NCOR2: variants seen among roughly 807,000 people sequenced by gnomAD.
NCOR2 encodes the protein CTG repeat protein 26.
In NCOR2, 81 loss-of-function variants were observed where a neutral mutation model predicts 262.9. The ratio of observed to expected loss-of-function variants is 0.31; its 90% confidence interval spans 0.26 to 0.37. The LOEUF (loss-of-function observed/expected upper bound fraction) is 0.37. Among genes scored for constraint, NCOR2 ranks in the 10% least tolerant of loss-of-function variants. The pLI, the probability that NCOR2 is intolerant of heterozygous loss-of-function variation, is 1.00. For synonymous variants in NCOR2, 1,659 were observed against 1,559.3 expected (o/e 1.06, Z -1.51); for missense variants, 3,385 against 3,621.4 (o/e 0.93, Z 1.68).
chr12:124,382,469 G>A lies in NCOR2; in HGVS notation c.2019+3276C>T, dbSNP rs141705991. Among the ~76,000 whole-genome samples the A allele has an allele frequency of 2.2e-3, 338 of 152,268 alleles. 2 individuals carry two copies. Among genetic ancestry groups the A allele is most frequent in the African/African-American group, 7.3e-3 (305 of 41,552 alleles). The stretch of plus-strand genomic sequence containing the variant: ...GATCTCGGGGTCCCCTCCTGTCCAC[G>A]CCTCCAGAGTCTTCAGCGTCAGGGG... On this transcript the variant is annotated intron_variant, in intron 17 of 46. Transcript: ENST00000405201.
chr12:124,337,813 C>T (rs2036020553), intron 37 of NCOR2, among the ~76,000 whole-genome samples: 1 of 152,264 alleles, frequency 6.6e-6, no homozygotes, highest in South Asian at 2.1e-4. Context: ...GGGGCTGGAA[C>T]AGGAGCCGGC....
At chr12:124,325,805 G>A (rs1369269951) in intron 46 of NCOR2, among the ~76,000 whole-genome samples, 1 of 152,146 alleles carries the variant, frequency 6.6e-6, no homozygotes, top group African/African-American at 2.4e-5. Flanking sequence ...CTGGACTATA[G>A]CAGTAGCCTA....
At chr12:124,477,517 T>C (rs1026226575) in intron 3 of NCOR2, among the ~76,000 whole-genome samples, 1 of 152,192 alleles carries the variant, frequency 6.6e-6, no homozygotes, top group African/African-American at 2.4e-5. Flanking sequence ...GGGTCTCCTT[T>C]TGGGGTGATG....
At chr12:124,464,703 C>T (rs902155859) in intron 5 of NCOR2, among the ~76,000 whole-genome samples, 4 of 152,242 alleles carry the variant, frequency 2.6e-5, no homozygotes, top group African/African-American at 9.6e-5. Context: ...GAAATTACCC[C>T]TTTAGTCCCC....
rs141140345 is a variant in NCOR2 at position 124,359,123 on chromosome 12, G to GCT, written c.3101-2342_3101-2341insAG. On this transcript the variant is annotated intron_variant, in intron 22 of 46. Coordinates refer to ENST00000405201, the Ensembl canonical transcript of NCOR2. Reference sequence around the variant, plus strand: ...CCCGGGGCTCAGGCCTGGCTTCATGGCATCTTCCTGCTGGCCTCTCGCCCT... The same window carrying GCT: ...CCCGGGGCTCAGGCCTGGCTTCATGGCTCATCTTCCTGCTGGCCTCTCGCCCT... 5.2e-3 allele frequency among the ~76,000 whole-genome samples: 787 copies of GCT among 152,330 alleles called. 9 individuals carry two copies. Among genetic ancestry groups the GCT allele is most frequent in the African/African-American group, 0.018 (739 of 41,574 alleles).
rs776606199 is a variant in NCOR2, at chr12:124,340,065, G to A, written c.5628C>T (p.His1876=). ...TGATGATACCCTTCATGCCTGTGTT[G>A]TGAAGCACACTGGGTCTCTGCTGGA... is the stretch of plus-strand genomic sequence containing the variant. The change falls in exon 37 of 47, where the codon CAC becomes CAT. Residue 1876 remains histidine (H), a synonymous_variant. Coordinates refer to ENST00000405201, the Ensembl canonical transcript of NCOR2. The A allele has an allele frequency of 1.9e-5, 31 of 1,612,910 alleles. 1 individual carries two copies. The South Asian group carries it at 3.3e-4, about 17-fold the overall frequency.
At chr12:124,343,627 ATTTT>A (rs11322329) in intron 32 of NCOR2, among the ~76,000 whole-genome samples, 2 of 148,664 alleles carry the variant, frequency 1.3e-5, no homozygotes. Context: ...ATTTTCTTTC[ATTTT>A]TTTTTTTTTT....
rs2035270611 is a variant in NCOR2 at position 124,332,307 on chromosome 12, C to G, written c.6904+12G>C. 6.2e-7 allele frequency: 1 copy of G among 1,613,670 alleles called. No homozygotes were observed. Among genetic ancestry groups the G allele is most frequent in the Admixed American group, 1.7e-5 (1 of 60,004 alleles). On this transcript the variant is annotated intron_variant, in intron 43 of 46. Coordinates refer to ENST00000405201, the Ensembl canonical transcript of NCOR2. ...GGCCCCATGCTTCCCCGGGAGCCTG[C>G]AGGCCCCTTACTGTATTCAGGCTCA...
chr12:124,496,117 G>A (rs147646635), upstream of NCOR2, among the ~76,000 whole-genome samples: 5,417 of 152,096 alleles, frequency 0.036, 141 homozygotes, highest in Non-Finnish European at 0.056. This position sits in a 1 kb window ranked among gnomAD's most constrained non-coding sequence, Gnocchi z 4.4. Context: ...AACACGAAGC[G>A]GGCTAGCAGC....
chr12:124,413,640 C>T (rs2042709136), intron 13 of NCOR2, among the ~76,000 whole-genome samples: 1 of 152,156 alleles, frequency 6.6e-6, no homozygotes, highest in Non-Finnish European at 1.5e-5. Context: ...CTCTCTGCGG[C>T]CACCCACAGC....
In NCOR2 at chr12:124,337,501, G is replaced by A. The variant is rs912800292; in HGVS notation, c.5688-321C>T. The stretch of plus-strand genomic sequence containing the variant: ...CCATCTAATTCAGAAAACAGACTAC[G>A]ATCACATTAACAGATATCCCAAGCT... On this transcript the variant is annotated intron_variant, in intron 37 of 46. Transcript: ENST00000405201. Among the ~76,000 whole-genome samples the A allele has an allele frequency of 1.1e-4, 17 of 152,282 alleles. No individual in the cohort carries two copies. In the South Asian group the frequency reaches 2.5e-3, roughly 22 times the overall value.
chr12:124,416,606 C>A (rs2042875409), intron 13 of NCOR2, among the ~76,000 whole-genome samples: 1 of 141,570 alleles, frequency 7.1e-6, no homozygotes, highest in Non-Finnish European at 1.5e-5. Flanking sequence ...CACAGATAGA[C>A]CCCGCGGCAC....
At chr12:124,560,983 A>G (rs898101722) in intron 1 of NCOR2, among the ~76,000 whole-genome samples, 2 of 152,218 alleles carry the variant, frequency 1.3e-5, no homozygotes, top group African/African-American at 4.8e-5. Context: ...ATCATAACAA[A>G]ATAAGTATGA....
intron 38 of NCOR2, chr12:124,335,921 AG>A (rs1008331337): frequency 2.4e-6 from 1 of 415,846 alleles, no homozygotes; most frequent in African/African-American, 2.0e-5. Flanking sequence ...CAGGTGGTGG[AG>A]GCCGGGCGAG....
chr12:124,326,147 T>C (rs954659899), intron 46 of NCOR2, 44 bp downstream of exon 48: 3 of 1,448,222 alleles, frequency 2.1e-6, no homozygotes, highest in East Asian at 2.7e-5. Context: ...CAGCCCAGTG[T>C]TGGGGGCTCA....
intron 13 of NCOR2, among the ~76,000 whole-genome samples, chr12:124,405,880 C>T (rs904078735): frequency 2.6e-5 from 4 of 152,150 alleles, no homozygotes; most frequent in African/African-American, 9.7e-5. Flanking sequence ...GGCAGAACTG[C>T]ACCTGCTGGG....
At chr12:124,426,553 A>G (rs1261496814) in intron 11 of NCOR2, 69 bp downstream of exon 13, 1 of 1,402,858 alleles carries the variant, frequency 7.1e-7, no homozygotes, top group African/African-American at 1.5e-5. Context: ...GGCTGCCGGG[A>G]GACAGCGCAG....
intron 26 of NCOR2, 127 bp from the exon 29 acceptor site, chr12:124,354,323 C>A (rs1227877135): frequency 1.7e-6 from 2 of 1,169,756 alleles, no homozygotes; most frequent in South Asian, 2.9e-5. Context: ...CAGAGGGAGT[C>A]CCCCTACCCC....
rs996740849 is a variant in NCOR2, at chr12:124,549,295, G to A, written c.-164-13684C>T. ...CTGGCGGTGGGAGGGGCAGGGCCGC[G>A]GCTGGAGGATAAAATCCCACACTCC... is the stretch of plus-strand genomic sequence containing the variant. On this transcript the variant is annotated intron_variant, in intron 1 of 32. Coordinates refer to the NCOR2 transcript ENST00000458234. This position sits in a 1 kb window ranked among gnomAD's most constrained non-coding sequence, Gnocchi z 4.4. Among the ~76,000 whole-genome samples, 4 of 151,614 alleles carry A rather than the reference G, an allele frequency of 2.6e-5. No individual in the cohort carries two copies. Among genetic ancestry groups the A allele is most frequent in the East Asian group, 1.9e-4 (1 of 5,168 alleles).
Sources: allele counts gnomAD v4.1 joint callset (sites outside exome capture counted in the v4.1 genomes callset), GRCh38; gene constraint gnomAD v4.1.1; non-coding constraint Gnocchi (gnomAD v3.1); transcripts MANE v1.5; gene names NCBI Gene and HGNC (gene_info 2026-07-23, HGNC 2026-07-21).